Variants in MTUS2 observed in about 807,000 individuals in gnomAD.
The protein encoded by MTUS2 is microtubule associated scaffold protein 2.
A neutral mutation model predicts 114.1 loss-of-function variants in MTUS2; 40 were observed. That is an observed-to-expected ratio of 0.35 (90% CI 0.27 to 0.46). The LOEUF is 0.46. Ranked by LOEUF, MTUS2 falls within the 20% of genes least tolerant of loss-of-function variation. The pLI, the probability that MTUS2 is intolerant of heterozygous loss-of-function variation, is 1.00. For synonymous variants in MTUS2, 688 were observed against 672.0 expected (o/e 1.02, Z -0.37); for missense variants, 1,679 against 1,705.4 (o/e 0.98, Z 0.27).
At chr13:29,118,896 C>T (rs753054754) in intron 5 of MTUS2, among the ~76,000 whole-genome samples, 3 of 152,120 alleles carry the variant, frequency 2.0e-5, no homozygotes, top group African/African-American at 7.2e-5. Context: ...TCCTGAGATG[C>T]CTTCATGGAT....
intron 9 of MTUS2, among the ~76,000 whole-genome samples, chr13:29,456,991 A>C (rs1593465192): frequency 6.6e-6 from 1 of 151,902 alleles, no homozygotes; most frequent in African/African-American, 2.4e-5. Context: ...TATTAAAAAA[A>C]AAAATTAGCC....
intron 5 of MTUS2, among the ~76,000 whole-genome samples, chr13:29,118,879 C>T (rs779740341): frequency 4.6e-5 from 7 of 152,130 alleles, no homozygotes; most frequent in East Asian, 1.9e-4. Context: ...AGGGAGTGGA[C>T]GGTGAGTCCT....
chr13:29,308,228 A>G (rs1899573446), intron 6 of MTUS2, among the ~76,000 whole-genome samples: 1 of 152,226 alleles, frequency 6.6e-6, no homozygotes, highest in South Asian at 2.1e-4. Flanking sequence ...ATGGAACAGA[A>G]TCATATACTC....
At chr13:28,831,764 A>AT (rs1874697496) in intron 1 of MTUS2, among the ~76,000 whole-genome samples, 1 of 131,554 alleles carries the variant, frequency 7.6e-6, no homozygotes, top group Non-Finnish European at 1.6e-5. Context: ...TTATTTATTT[A>AT]TTATTTTTTT....
intron 9 of MTUS2, among the ~76,000 whole-genome samples, chr13:29,477,149 G>A (rs906638498): frequency 1.3e-5 from 2 of 152,176 alleles, no homozygotes; most frequent in Non-Finnish European, 2.9e-5. Context: ...GTTTTTGTCT[G>A]TAGGGTGACT....
At chr13:28,900,306 G>A (rs1330532658) in intron 2 of MTUS2, among the ~76,000 whole-genome samples, 1 of 152,160 alleles carries the variant, frequency 6.6e-6, no homozygotes, top group Admixed American at 6.5e-5. Context: ...CTGTGTGTGT[G>A]TGTGTATGTG....
At chr13:29,191,665 T>G (rs1393543831) in intron 5 of MTUS2, among the ~76,000 whole-genome samples, 1 of 152,180 alleles carries the variant, frequency 6.6e-6, no homozygotes, top group African/African-American at 2.4e-5. Flanking sequence ...TGCTGACTCC[T>G]GGAGATCTTG....
chr13:29,004,650 G>C (rs1328786636), intron 2 of MTUS2, among the ~76,000 whole-genome samples: 2 of 152,192 alleles, frequency 1.3e-5, no homozygotes, highest in Non-Finnish European at 2.9e-5. Flanking sequence ...TGTTAGTTTA[G>C]CTTGCCAGAA....
intron 8 of MTUS2, among the ~76,000 whole-genome samples, chr13:29,396,566 C>T (rs933526533): frequency 2.6e-4 from 39 of 152,194 alleles, no homozygotes; most frequent in Admixed American, 7.9e-4. Context: ...ATTCTGCCTG[C>T]GTGGTACATG....
At chr13:28,962,331 T>C (rs1883369059) in intron 2 of MTUS2, among the ~76,000 whole-genome samples, 1 of 152,132 alleles carries the variant, frequency 6.6e-6, no homozygotes, top group South Asian at 2.1e-4. Flanking sequence ...AACTCCTTGA[T>C]ATTTCCCATA....
intron 12 of MTUS2, among the ~76,000 whole-genome samples, chr13:29,494,204 G>T (rs561809177): frequency 3.3e-5 from 5 of 152,208 alleles, no homozygotes; most frequent in African/African-American, 4.8e-5. Context: ...ATAGCCCTGG[G>T]TTGGCTTAGA....
At chr13:29,070,278 T>C (rs1187586081) in intron 4 of MTUS2, among the ~76,000 whole-genome samples, 1 of 152,224 alleles carries the variant, frequency 6.6e-6, no homozygotes, top group Non-Finnish European at 1.5e-5. Context: ...AATCCATGTG[T>C]TTCTCCTCTC....
intron 6 of MTUS2, chr13:29,307,132 G>T: frequency 4.2e-6 from 2 of 480,198 alleles, no homozygotes; most frequent in Non-Finnish European, 8.0e-6. Flanking sequence ...AGCCAAAAGG[G>T]TCATCCTTTC....
intron 8 of MTUS2, among the ~76,000 whole-genome samples, chr13:29,431,187 G>T (rs550340578): frequency 6.6e-6 from 1 of 152,036 alleles, no homozygotes; most frequent in South Asian, 2.1e-4. Context: ...TGAATATGAG[G>T]ATGCTTATTT....
At chr13:29,170,679 G>C (rs764482650) in intron 5 of MTUS2, among the ~76,000 whole-genome samples, 1 of 152,166 alleles carries the variant, frequency 6.6e-6, no homozygotes, top group Non-Finnish European at 1.5e-5. Flanking sequence ...GGCATTTGCT[G>C]TCAAGTACAC....
intron 2 of MTUS2, among the ~76,000 whole-genome samples, chr13:28,861,767 C>G (rs1175812572): frequency 6.6e-6 from 1 of 152,030 alleles, no homozygotes; most frequent in Non-Finnish European, 1.5e-5. Flanking sequence ...TATCCAGCAG[C>G]CTGAGGAGTG....
intron 2 of MTUS2, among the ~76,000 whole-genome samples, chr13:28,907,123 C>G (rs1240764826): frequency 6.6e-6 from 1 of 151,472 alleles, no homozygotes; most frequent in African/African-American, 2.4e-5. Context: ...AAAGAATTTT[C>G]AACCCAGAAT....
chr13:28,990,500 C>T (rs560930288), intron 2 of MTUS2, among the ~76,000 whole-genome samples: 40 of 152,034 alleles, frequency 2.6e-4, no homozygotes, highest in Non-Finnish European at 3.8e-4. Flanking sequence ...GTAAATGCAC[C>T]AATCAGCACT....
chr13:29,256,525 A>G (rs193038670), intron 5 of MTUS2, among the ~76,000 whole-genome samples: 110 of 152,354 alleles, frequency 7.2e-4, no homozygotes, highest in African/African-American at 2.5e-3. Context: ...CCTCCTTCCT[A>G]TCGTCACACT....
Sources: gnomAD v4.1 joint callset for allele counts (sites outside exome capture counted in the v4.1 genomes callset) on GRCh38, gnomAD v4.1.1 for gene constraint, MANE v1.5 for transcripts, NCBI Gene and HGNC (gene_info 2026-07-23, HGNC 2026-07-21) for gene names.